Variants in PBX1 observed in about 807,000 individuals in gnomAD.
PBX1 encodes pre-B-cell leukemia transcription factor 1.
In PBX1, 6 loss-of-function variants were observed where a neutral mutation model predicts 53.4. The ratio of observed to expected loss-of-function variants is 0.11; its 90% CI spans 0.06 to 0.22. The LOEUF (loss-of-function observed/expected upper bound fraction) is 0.22. Among genes scored for constraint, PBX1 ranks in the 10% least tolerant of loss-of-function variants. PBX1 has a pLI of 1.00. For missense variants in PBX1, 251 were observed against 551.4 expected, an observed-to-expected ratio of 0.46 and a Z score of 5.46; for synonymous variants, 204 against 212.3, an observed-to-expected ratio of 0.96 and a Z score of 0.34.
chr1:164,604,989 C>T (rs1327405527), intron 2 of PBX1, among the ~76,000 whole-genome samples: 1 of 152,136 alleles, frequency 6.6e-6, no homozygotes, highest in African/African-American at 2.4e-5. Context: ...GTGCTGTGTG[C>T]CGTGTATGGA....
Position 164,850,309 on chromosome 1 carries a change from T to A in PBX1, c.*3633T>A, listed in dbSNP as rs1671768867. The A allele has an allele frequency of 4.6e-6, 1 of 217,512 alleles. No homozygotes were observed. Among genetic ancestry groups the A allele is most frequent in the Non-Finnish European group, 9.2e-6 (1 of 108,518 alleles). The allele number at this position is 217,512 out of a possible 1,614,324, so 13.5% of individuals were successfully genotyped here. A position where few individuals can be genotyped will look rare whatever the true frequency, so the allele number is the denominator to read the frequency against. On this transcript the variant is annotated 3_prime_UTR_variant, in exon 9 of 9. Coordinates refer to ENST00000420696, the MANE Select transcript of PBX1 (RefSeq NM_002585.4). ...CACATCCATTTCTTGTTTCACAATGTTTAAAAGTGACAGTAATTCATTTTG... is the reference window on the plus strand; with the variant it reads ...CACATCCATTTCTTGTTTCACAATGATTAAAAGTGACAGTAATTCATTTTG...
intron 2 of PBX1, among the ~76,000 whole-genome samples, chr1:164,644,781 C>G (rs1447070149): frequency 6.6e-6 from 1 of 152,020 alleles, no homozygotes; most frequent in Non-Finnish European, 1.5e-5. Context: ...AGTTAATAAC[C>G]AAAGGCTTCA....
At chr1:164,799,652 T>C (rs1558015157) in intron 3 of PBX1, 47 bp from the exon 4 acceptor site, 2 of 1,564,914 alleles carry the variant, frequency 1.3e-6, no homozygotes, top group African/African-American at 2.7e-5. Flanking sequence ...TGATGCGTGT[T>C]GAGGCTTGGA....
At chr1:164,720,378 G>T (rs2130166) in intron 2 of PBX1, among the ~76,000 whole-genome samples, 1 of 151,836 alleles carries the variant, frequency 6.6e-6, no homozygotes, top group Non-Finnish European at 1.5e-5. Flanking sequence ...ATCTTTTACT[G>T]TATGTGAAGT....
intron 2 of PBX1, among the ~76,000 whole-genome samples, chr1:164,628,945 A>C (rs944514691): frequency 6.6e-6 from 1 of 152,092 alleles, no homozygotes; most frequent in Non-Finnish European, 1.5e-5. Flanking sequence ...TGTCCCTCTC[A>C]AGTACCTTTG....
chr1:164,880,898 C>A (rs1333030509), intron 2 of PBX1, among the ~76,000 whole-genome samples: 1 of 152,226 alleles, frequency 6.6e-6, no homozygotes, highest in Non-Finnish European at 1.5e-5. Context: ...AAAAAAGCCA[C>A]TCATTCCAGC....
At chr1:164,859,272 C>T (rs532136772) in intron 2 of PBX1, among the ~76,000 whole-genome samples, 17 of 152,288 alleles carry the variant, frequency 1.1e-4, no homozygotes, top group African/African-American at 4.1e-4. Context: ...TCTCCAGGTA[C>T]ATCTATGGGG....
intron 2 of PBX1, among the ~76,000 whole-genome samples, chr1:164,860,603 G>A (rs1240980458): frequency 3.3e-5 from 5 of 151,944 alleles, no homozygotes; most frequent in Admixed American, 6.6e-5. Flanking sequence ...ACCCACTTAC[G>A]TACTCCTTCT....
At chr1:164,566,376 C>T (rs767737234) in intron 2 of PBX1, among the ~76,000 whole-genome samples, 1 of 152,130 alleles carries the variant, frequency 6.6e-6, no homozygotes, top group African/African-American at 2.4e-5. Context: ...GCAAAATGCT[C>T]GGGTGGCAAT....
intron 6 of PBX1, 21 bp downstream of exon 6, chr1:164,812,170 G>C (rs747594159): frequency 6.3e-7 from 1 of 1,596,188 alleles, no homozygotes; most frequent in Non-Finnish European, 8.5e-7. Flanking sequence ...TCTTTGATTG[G>C]GGGTGGGGGA....
At chr1:164,628,221 G>A (rs1173139683) in intron 2 of PBX1, among the ~76,000 whole-genome samples, 1 of 152,116 alleles carries the variant, frequency 6.6e-6, no homozygotes, top group African/African-American at 2.4e-5. Context: ...AAATTGCTAA[G>A]TTTTCTAGTC....
intron 2 of PBX1, among the ~76,000 whole-genome samples, chr1:164,628,753 A>T (rs1658213515): frequency 6.6e-6 from 1 of 152,060 alleles, no homozygotes; most frequent in Admixed American, 6.6e-5. Flanking sequence ...TATATATGAT[A>T]TGTGGGGTGC....
intron 2 of PBX1, among the ~76,000 whole-genome samples, chr1:164,635,093 T>G (rs1658668303): frequency 7.0e-6 from 1 of 142,130 alleles, no homozygotes; most frequent in African/African-American, 2.6e-5. Context: ...GGGAAGGGGT[T>G]TATTGTGAGG....
chr1:164,770,072 G>T (rs2102243138), intron 2 of PBX1: 1 of 152,336 alleles, frequency 6.6e-6, no homozygotes, highest in Admixed American at 6.5e-5. Context: ...TCTGAAGCTT[G>T]ATGTGTGGGT....
intron 2 of PBX1, chr1:164,680,850 C>G (rs908332720): frequency 6.6e-6 from 1 of 152,198 alleles, no homozygotes; most frequent in Admixed American, 6.5e-5. Context: ...CTAGGCTGAA[C>G]GAAACGAAAA....
At chr1:164,688,274 C>G (rs1351798098) in intron 2 of PBX1, among the ~76,000 whole-genome samples, 2 of 152,102 alleles carry the variant, frequency 1.3e-5, no homozygotes, top group Non-Finnish European at 2.9e-5. Context: ...AAAAAACATT[C>G]CTCAGTTCGG....
intron 2 of PBX1, among the ~76,000 whole-genome samples, chr1:164,721,836 T>G (rs1016854115): frequency 6.6e-6 from 1 of 152,216 alleles, no homozygotes; most frequent in Admixed American, 6.5e-5. Context: ...TCATGTTACC[T>G]ATTCCCTTTA....
intron 2 of PBX1, among the ~76,000 whole-genome samples, chr1:164,594,148 C>T (rs1655592441): frequency 6.6e-6 from 1 of 152,254 alleles, no homozygotes; most frequent in African/African-American, 2.4e-5. Context: ...GAGATAAGGA[C>T]GTTGAGCCTC....
At chr1:164,643,223 AT>A (rs1398699088) in intron 2 of PBX1, among the ~76,000 whole-genome samples, 3 of 152,190 alleles carry the variant, frequency 2.0e-5, no homozygotes, top group Non-Finnish European at 2.9e-5. Context: ...GAGCAGTTAA[AT>A]GGGGCGTTGC....
Sources: gnomAD v4.1 joint callset for allele counts (sites outside exome capture counted in the v4.1 genomes callset) on GRCh38, gnomAD v4.1.1 for gene constraint, MANE v1.5 for transcripts, NCBI Gene and HGNC (gene_info 2026-07-23, HGNC 2026-07-21) for gene names.